EXOC6B: variants seen among roughly 807,000 people sequenced by gnomAD.
The protein encoded by EXOC6B is exocyst complex component 6B.
EXOC6B carries 54 observed loss-of-function variants against 113.5 expected under a neutral mutation model. That is an observed-to-expected ratio of 0.48 (90% CI 0.38 to 0.60). EXOC6B has a LOEUF of 0.60. Among genes scored for constraint, EXOC6B ranks in the 20% least tolerant of loss-of-function variants. The pLI, the probability that EXOC6B is intolerant of heterozygous loss-of-function variation, is 0.00. For missense variants in EXOC6B, 797 were observed against 977.5 expected (o/e 0.82, Z 2.46); for synonymous variants, 357 against 339.0 (o/e 1.05, Z -0.58).
At chr2:72,817,846 C>A (rs1187160502) in intron 1 of EXOC6B, among the ~76,000 whole-genome samples, 1 of 149,192 alleles carries the variant, frequency 6.7e-6, no homozygotes, top group African/African-American at 2.4e-5. Context: ...CTCCCTATTA[C>A]CATATTGCAT....
At chr2:72,276,843 A>G (rs1164305565) in intron 20 of EXOC6B, among the ~76,000 whole-genome samples, 3 of 152,182 alleles carry the variant, frequency 2.0e-5, no homozygotes, top group Non-Finnish European at 4.4e-5. Flanking sequence ...TATGAGTAGT[A>G]TGGGACCTTA....
intron 20 of EXOC6B, among the ~76,000 whole-genome samples, chr2:72,302,500 C>G (rs1413410801): frequency 6.6e-6 from 1 of 151,714 alleles, no homozygotes; most frequent in Non-Finnish European, 1.5e-5. Context: ...CTTTATGAAT[C>G]TAGGTGCTCC....
At chr2:72,779,362 C>T (rs942976577) in intron 1 of EXOC6B, among the ~76,000 whole-genome samples, 3 of 151,582 alleles carry the variant, frequency 2.0e-5, no homozygotes, top group Non-Finnish European at 2.9e-5. Flanking sequence ...ATATATATAA[C>T]ATTATGTAAC....
intron 18 of EXOC6B, among the ~76,000 whole-genome samples, chr2:72,396,140 T>C (rs778458070): frequency 6.6e-6 from 1 of 152,146 alleles, no homozygotes; most frequent in Non-Finnish European, 1.5e-5. Flanking sequence ...ATGTAAATAT[T>C]TCACTCAGTT....
chr2:72,710,622 T>C (rs753545117), intron 6 of EXOC6B, among the ~76,000 whole-genome samples: 3 of 152,230 alleles, frequency 2.0e-5, no homozygotes, highest in African/African-American at 7.2e-5. Context: ...ATATCTAGCA[T>C]ACAAGAGGCT....
At chr2:72,647,367 G>A (rs2104383904) in intron 6 of EXOC6B, among the ~76,000 whole-genome samples, 1 of 152,252 alleles carries the variant, frequency 6.6e-6, no homozygotes, top group South Asian at 2.1e-4. Flanking sequence ...GTAATTTACA[G>A]ATTCAATGCC....
intron 6 of EXOC6B, among the ~76,000 whole-genome samples, chr2:72,709,992 C>T (rs1325725032): frequency 1.3e-5 from 2 of 152,120 alleles, no homozygotes; most frequent in Non-Finnish European, 2.9e-5. Context: ...TTTAAAAATA[C>T]TCACAGAGAG....
chr2:72,820,979 AATG>A (rs1194598642), intron 1 of EXOC6B, among the ~76,000 whole-genome samples: 4 of 152,126 alleles, frequency 2.6e-5, no homozygotes, highest in South Asian at 4.1e-4. Context: ...TAAGAAAAAA[AATG>A]ATAACTGGAA....
chr2:72,556,027 T>C (rs1703523104), intron 8 of EXOC6B, among the ~76,000 whole-genome samples: 1 of 152,146 alleles, frequency 6.6e-6, no homozygotes, highest in Non-Finnish European at 1.5e-5. Flanking sequence ...AAACATGGCT[T>C]TCCCAGTACA....
At chr2:72,810,786 C>T (rs1350451189) in intron 1 of EXOC6B, among the ~76,000 whole-genome samples, 1 of 151,812 alleles carries the variant, frequency 6.6e-6, no homozygotes, top group Admixed American at 6.6e-5. Context: ...TAAAAGAAAA[C>T]AATAGGCCAG....
At chr2:72,233,481 C>T (rs1681760668) in intron 20 of EXOC6B, among the ~76,000 whole-genome samples, 1 of 152,166 alleles carries the variant, frequency 6.6e-6, no homozygotes, top group East Asian at 1.9e-4. Context: ...CTGGAGGATT[C>T]ACACTCTCCA....
chr2:72,558,541 C>A (rs1032783042), intron 8 of EXOC6B, among the ~76,000 whole-genome samples: 2 of 152,040 alleles, frequency 1.3e-5, no homozygotes, highest in South Asian at 2.1e-4. Context: ...GAGACCCAGA[C>A]GGTGGATGAC....
chr2:72,201,799 T>TACA (rs1679510178), intron 20 of EXOC6B, among the ~76,000 whole-genome samples: 1 of 152,188 alleles, frequency 6.6e-6, no homozygotes, highest in South Asian at 2.1e-4. Flanking sequence ...AGGCTCTGCT[T>TACA]CCATAGTTAT....
Position 72,825,056 on chromosome 2 carries a change from C to T in EXOC6B, c.113+742G>A, listed in dbSNP as rs916632322. Among the ~76,000 whole-genome samples the T allele has an allele frequency of 1.3e-5, 2 of 152,118 alleles. No homozygotes were observed. Among genetic ancestry groups the T allele is most frequent in the Non-Finnish European group, 1.5e-5 (1 of 68,014 alleles). ...AAATCACTTTATACAACGTCTTGGA[C>T]TTTATGTAACAAGTGCTACCTAAAT... On this transcript the variant is annotated intron_variant, in intron 1 of 21. Coordinates refer to ENST00000272427, the MANE Select transcript of EXOC6B (RefSeq NM_015189.3). The surrounding 1 kb of genome is among the most constrained non-coding windows in gnomAD (Gnocchi z 4.4).
chr2:72,714,537 A>G (rs146563401), intron 6 of EXOC6B, among the ~76,000 whole-genome samples: 1 of 152,348 alleles, frequency 6.6e-6, no homozygotes, highest in African/African-American at 2.4e-5. Flanking sequence ...ATTTATAGGG[A>G]AAGAAGTAGT....
intron 20 of EXOC6B, among the ~76,000 whole-genome samples, chr2:72,264,336 C>T (rs559044720): frequency 2.5e-4 from 38 of 152,072 alleles, no homozygotes; most frequent in African/African-American, 7.7e-4. Context: ...TTTGGGAGAC[C>T]GAGGCGGGCA....
chr2:72,257,226 C>A (rs1683404323), intron 20 of EXOC6B, among the ~76,000 whole-genome samples: 1 of 152,142 alleles, frequency 6.6e-6, no homozygotes, highest in African/African-American at 2.4e-5. Context: ...TTCACAAAAT[C>A]TTTTCCATCT....
chr2:72,466,272 G>A (rs898722593), intron 17 of EXOC6B, among the ~76,000 whole-genome samples: 5 of 151,002 alleles, frequency 3.3e-5, no homozygotes, highest in African/African-American at 1.2e-4. Context: ...TTGAACCCAG[G>A]AGGCGGAGGT....
chr2:72,362,452 TAAAG>T (rs1240149778), intron 19 of EXOC6B, among the ~76,000 whole-genome samples: 1 of 152,048 alleles, frequency 6.6e-6, no homozygotes, highest in African/African-American at 2.4e-5. Flanking sequence ...GGCATATACA[TAAAG>T]AAATAATTAT....
Sources: gnomAD v4.1 joint callset for allele counts (sites outside exome capture counted in the v4.1 genomes callset) on GRCh38, gnomAD v4.1.1 for gene constraint, Gnocchi (gnomAD v3.1) non-coding constraint, MANE v1.5 for transcripts, NCBI Gene and HGNC (gene_info 2026-07-23, HGNC 2026-07-21) for gene names.